The following ZNF654 variants were observed in gnomAD, a reference collection of about 807,000 sequenced individuals.
ZNF654 encodes melanoma-associated antigen.
Under a neutral mutation model 95.3 loss-of-function variants are expected in ZNF654, and 19 were observed. The observed-to-expected ratio is 0.20, with a 90% CI of 0.14 to 0.29. The LOEUF (loss-of-function observed/expected upper bound fraction) is 0.29. Among genes scored for constraint, ZNF654 ranks in the 10% least tolerant of loss-of-function variants. The probability of loss-of-function intolerance (pLI) is 1.00; values close to 1 mark genes in which losing one functional copy is unlikely to be tolerated. For missense variants in ZNF654, 1,046 were observed against 1,341.0 expected (o/e 0.78, Z 3.44); for synonymous variants, 413 against 457.9 (o/e 0.90, Z 1.25).
chr3:88,062,795 AAG>A (rs766987180), intron 1 of ZNF654, among the ~76,000 whole-genome samples: 8 of 152,226 alleles, frequency 5.3e-5, no homozygotes, highest in Non-Finnish European at 1.0e-4. Flanking sequence ...TGAATATAAA[AAG>A]AGAGAAGAAT....
At chr3:88,134,500 C>T (rs1706654365) in intron 6 of ZNF654, among the ~76,000 whole-genome samples, 1 of 151,992 alleles carries the variant, frequency 6.6e-6, no homozygotes, top group Non-Finnish European at 1.5e-5. Flanking sequence ...TAACAGTGGT[C>T]ATATTTGAGA....
chr3:88,086,038 C>T (rs1212101451), intron 1 of ZNF654, among the ~76,000 whole-genome samples: 2 of 152,080 alleles, frequency 1.3e-5, no homozygotes, highest in Admixed American at 1.3e-4. Flanking sequence ...ATAGTACAGA[C>T]ATTCATACAC....
chr3:88,103,940 T>A (rs1704586386), intron 2 of ZNF654, among the ~76,000 whole-genome samples: 1 of 151,966 alleles, frequency 6.6e-6, no homozygotes, highest in Non-Finnish European at 1.5e-5. Flanking sequence ...CTGATTTTTT[T>A]ATTTTTAGAC....
intron 6 of ZNF654, among the ~76,000 whole-genome samples, chr3:88,133,950 A>G (rs1277133642): frequency 6.6e-6 from 1 of 152,142 alleles, no homozygotes; most frequent in African/African-American, 2.4e-5. Context: ...AAAGATTATC[A>G]GTTTTGCAGG....
chr3:88,087,991 T>C (rs570865583), intron 2 of ZNF654, among the ~76,000 whole-genome samples: 31 of 152,216 alleles, frequency 2.0e-4, no homozygotes, highest in Non-Finnish European at 3.4e-4. Context: ...TTAGGGATGC[T>C]CAATCAGTAA....
intron 3 of ZNF654, among the ~76,000 whole-genome samples, chr3:88,117,932 C>T (rs1705509427): frequency 9.1e-6 from 1 of 110,290 alleles, no homozygotes; most frequent in Non-Finnish European, 2.0e-5. Context: ...AGTACTATTG[C>T]CCAATAGATG....
At chr3:88,067,593 C>G (rs1007156864) in intron 1 of ZNF654, among the ~76,000 whole-genome samples, 4 of 152,210 alleles carry the variant, frequency 2.6e-5, no homozygotes, top group Non-Finnish European at 5.9e-5. Flanking sequence ...GTTTCAGAAA[C>G]CCAGAGAACT....
intron 6 of ZNF654, among the ~76,000 whole-genome samples, chr3:88,130,333 A>C (rs546559890): frequency 6.6e-6 from 1 of 152,342 alleles, no homozygotes; most frequent in African/African-American, 2.4e-5. Context: ...TTTATTTGCT[A>C]AACATAATCT....
At chr3:88,069,379 G>A (rs1421576014) in intron 1 of ZNF654, among the ~76,000 whole-genome samples, 2 of 152,096 alleles carry the variant, frequency 1.3e-5, no homozygotes, top group East Asian at 3.9e-4. Context: ...TCTAGATGGC[G>A]CCGCTGCACT....
chr3:88,059,923 G>A (rs1298849140), intron 1 of ZNF654, among the ~76,000 whole-genome samples: 1 of 151,794 alleles, frequency 6.6e-6, no homozygotes, highest in Non-Finnish European at 1.5e-5. Context: ...ATTGCCCCCC[G>A]TGTTCTCCCC....
Position 88,141,631 on chromosome 3 carries a change from G to A in ZNF654, c.3380-14G>A, listed in dbSNP as rs1707140107. On this transcript the variant is annotated splice_polypyrimidine_tract_variant and intron_variant, in intron 8 of 8. Transcript: ENST00000636215. The stretch of plus-strand genomic sequence containing the variant: ...CAATAAAACTTGCATTAACAGATGT[G>A]TTCTGTTTTACAGGTGCCTGATGAA... 1 of 1,493,784 alleles carries A rather than the reference G, an allele frequency of 6.7e-7. No individual in the cohort carries two copies. Among genetic ancestry groups the A allele is most frequent in the East Asian group, 2.4e-5 (1 of 41,558 alleles). The allele number at this position is 1,493,784 out of a possible 1,614,324, so 92.5% of individuals were successfully genotyped here.
At chr3:88,129,898 G>GT in intron 6 of ZNF654, 72 bp downstream of exon 6, 1 of 1,258,266 alleles carries the variant, frequency 7.9e-7, no homozygotes, top group Non-Finnish European at 1.0e-6. Flanking sequence ...TTTGAACTTT[G>GT]TTTTTTACAT....
intron 2 of ZNF654, among the ~76,000 whole-genome samples, chr3:88,104,861 A>G (rs1340864116): frequency 6.6e-6 from 1 of 152,240 alleles, no homozygotes; most frequent in African/African-American, 2.4e-5. Flanking sequence ...AAATTCATCC[A>G]GGCACAGTGG....
intron 5 of ZNF654, 23 bp downstream of exon 5, chr3:88,129,034 C>A: frequency 6.6e-7 from 1 of 1,505,806 alleles, no homozygotes; most frequent in Non-Finnish European, 8.9e-7. Context: ...ACTATTTTTG[C>A]CTATTACCAT....
intron 3 of ZNF654, among the ~76,000 whole-genome samples, chr3:88,122,953 T>C (rs923480506): frequency 3.4e-5 from 5 of 147,820 alleles, no homozygotes; most frequent in African/African-American, 1.3e-4. Flanking sequence ...GAGGTTGCAG[T>C]GAGCCAAGGT....
intron 6 of ZNF654, among the ~76,000 whole-genome samples, chr3:88,134,229 A>G (rs894660264): frequency 6.6e-6 from 1 of 152,050 alleles, no homozygotes; most frequent in Non-Finnish European, 1.5e-5. Context: ...GTCTGAGTAC[A>G]CTATGTGCAC....
chr3:88,111,884 T>A (rs1705109948), intron 2 of ZNF654, among the ~76,000 whole-genome samples: 2 of 152,062 alleles, frequency 1.3e-5, no homozygotes, highest in South Asian at 4.2e-4. Flanking sequence ...CATTTAATCT[T>A]TATAATTTTG....
At chr3:88,068,225 G>A (rs1033085083) in intron 1 of ZNF654, among the ~76,000 whole-genome samples, 2 of 151,958 alleles carry the variant, frequency 1.3e-5, no homozygotes, top group Admixed American at 6.5e-5. Flanking sequence ...GTGCTTATTT[G>A]TCTCGGTGAA....
intron 6 of ZNF654, among the ~76,000 whole-genome samples, chr3:88,134,491 A>G (rs1706653712): frequency 6.6e-6 from 1 of 152,090 alleles, no homozygotes. Flanking sequence ...TGCATCAAAT[A>G]ACAGTGGTCA....
Sources: allele counts gnomAD v4.1 joint callset (sites outside exome capture counted in the v4.1 genomes callset), GRCh38; gene constraint gnomAD v4.1.1; transcripts MANE v1.5; gene names NCBI Gene and HGNC (gene_info 2026-07-23, HGNC 2026-07-21).